The following GPSM2 variants were observed in gnomAD, a reference collection of about 807,000 sequenced individuals.
GPSM2 encodes the protein G protein-signaling modulator 2.
Under a neutral mutation model 78.4 loss-of-function variants are expected in GPSM2, and 58 were observed. The ratio of observed to expected loss-of-function variants is 0.74; its 90% CI spans 0.60 to 0.92. The LOEUF (loss-of-function observed/expected upper bound fraction) is 0.92, where lower values mean the gene tolerates loss of function less well. Ranked by LOEUF, GPSM2 falls within the 40% of genes least tolerant of loss-of-function variation. The pLI, the probability that GPSM2 is intolerant of heterozygous loss-of-function variation, is 0.00. For missense variants in GPSM2, 700 were observed against 815.5 expected, an observed-to-expected ratio of 0.86 and a Z score of 1.73; for synonymous variants, 224 against 280.2, an observed-to-expected ratio of 0.80 and a Z score of 2.00.
chr1:108,912,530 A>G (rs1035125753), intron 10 of GPSM2, among the ~76,000 whole-genome samples: 1 of 151,140 alleles, frequency 6.6e-6, no homozygotes, highest in South Asian at 2.1e-4. Flanking sequence ...GATCGCTTGC[A>G]TCCAGCAGTC....
intron 2 of GPSM2, among the ~76,000 whole-genome samples, chr1:108,887,868 T>G (rs1647686649): frequency 6.6e-6 from 1 of 152,152 alleles, no homozygotes; most frequent in Admixed American, 6.6e-5. Flanking sequence ...TGATAACCAA[T>G]AGCCAGTTTA....
chr1:108,913,064 G>A (rs12034332), intron 10 of GPSM2, among the ~76,000 whole-genome samples: 2,450 of 152,204 alleles, frequency 0.016, 45 homozygotes, highest in Middle Eastern at 0.065. Context: ...AAATGATGCA[G>A]GGTAATGGAA....
At chr1:108,913,611 A>G (rs1389828128) in intron 10 of GPSM2, among the ~76,000 whole-genome samples, 1 of 152,248 alleles carries the variant, frequency 6.6e-6, no homozygotes, top group Admixed American at 6.5e-5. Context: ...TTGCTAAGAA[A>G]TACATACATT....
At chr1:108,923,393 T>C (rs1441873395) in intron 13 of GPSM2, among the ~76,000 whole-genome samples, 15 of 152,058 alleles carry the variant, frequency 9.9e-5, no homozygotes, top group African/African-American at 3.6e-4. Flanking sequence ...ACCTTATGAT[T>C]ATATATAAAA....
chr1:108,920,423 C>G (rs552632677), intron 12 of GPSM2, among the ~76,000 whole-genome samples: 3 of 150,606 alleles, frequency 2.0e-5, no homozygotes. Context: ...GAGCCGAGAT[C>G]GCGCCACTGT....
Position 108,898,724 on chromosome 1 carries a change from C to T in GPSM2, c.640C>T (p.Leu214Phe). 1 of 1,613,964 alleles carries T rather than the reference C, an allele frequency of 6.2e-7. No homozygotes were observed. Among genetic ancestry groups the T allele is most frequent in the South Asian group, 1.1e-5 (1 of 91,072 alleles). Residue 214 changes from leucine to phenylalanine, a missense_variant, in exon 6 of 15, where the codon CTC (leucine) becomes TTC (phenylalanine). Transcript: ENST00000264126. ...TGGAAATCTTGGAAACACACATTAC[C>T]TCCTTGGCAACTTCAGGGATGCAGT... ...AFGNLGNTHY[L>F]LGNFRDAVIA...
intron 1 of GPSM2, chr1:108,877,874 G>T (rs983487300): frequency 2.0e-5 from 3 of 152,198 alleles, no homozygotes; most frequent in African/African-American, 7.2e-5. Context: ...ATAGTAACCA[G>T]TTAGAGCATT....
chr1:108,915,486 G>T (rs1490662756), intron 11 of GPSM2, among the ~76,000 whole-genome samples: 1 of 150,236 alleles, frequency 6.7e-6, no homozygotes, highest in Non-Finnish European at 1.5e-5. Context: ...GAGTGCAGTG[G>T]CGCGATCTCA....
intron 7 of GPSM2, among the ~76,000 whole-genome samples, chr1:108,899,776 G>GAATCCTA (rs1402600154): frequency 9.2e-5 from 14 of 152,178 alleles, no homozygotes; most frequent in African/African-American, 3.4e-4. Context: ...TTTTGTTAAA[G>GAATCCTA]AAGCCAATAT....
chr1:108,904,711 C>CT (rs1649093029), intron 10 of GPSM2, among the ~76,000 whole-genome samples: 1 of 151,538 alleles, frequency 6.6e-6, no homozygotes, highest in Non-Finnish European at 1.5e-5. Flanking sequence ...TTTCTTAGGA[C>CT]TTTTTTAAAT....
chr1:108,929,646 G>A, intron 14 of GPSM2, 55 bp from the exon 15 acceptor site: 1 of 1,558,910 alleles, frequency 6.4e-7, no homozygotes, highest in Non-Finnish European at 8.8e-7. Context: ...ATTTAACATA[G>A]CTTGGTGCTT....
intron 10 of GPSM2, among the ~76,000 whole-genome samples, chr1:108,904,873 T>A (rs909577836): frequency 1.3e-5 from 2 of 152,148 alleles, no homozygotes; most frequent in African/African-American, 4.8e-5. Flanking sequence ...AAAGAAAATC[T>A]ACTTTTAAAG....
At chr1:108,881,186 TTTC>T (rs1665882019) in intron 1 of GPSM2, among the ~76,000 whole-genome samples, 1 of 152,172 alleles carries the variant, frequency 6.6e-6, no homozygotes, top group South Asian at 2.1e-4. Flanking sequence ...ATGATTGCCT[TTTC>T]TTTATGGTTA....
chr1:108,881,603 A>T (rs1269126905), intron 1 of GPSM2, among the ~76,000 whole-genome samples: 6 of 152,070 alleles, frequency 3.9e-5, no homozygotes, highest in East Asian at 1.9e-4. Flanking sequence ...TTCAGTGAAT[A>T]TTTTTTTGTG....
chr1:108,911,413 T>C (rs543596851), intron 10 of GPSM2, among the ~76,000 whole-genome samples: 2 of 151,782 alleles, frequency 1.3e-5, no homozygotes, highest in South Asian at 2.1e-4. Flanking sequence ...TGTAATCCCA[T>C]CTACTCAGGA....
rs1223950095 is a variant in GPSM2 at position 108,930,695 on chromosome 1, C to CGAA, written c.*755_*756insGAA. The stretch of plus-strand genomic sequence containing the variant: ...CTTGAGGTCGGGAGTTTGAGACCAG[C>CGAA]CTGGCCAACATAGTGAAACCCTGTC... On this transcript the variant is annotated 3_prime_UTR_variant, in exon 15 of 15. Transcript: ENST00000264126. The CGAA allele has an allele frequency of 6.6e-6, 1 of 151,760 alleles. No homozygotes were observed. The highest frequency in any genetic ancestry group is 2.4e-5 in the African/African-American group (1 of 41,170). 9.4% of individuals were successfully genotyped at this position (151,760 alleles called of 1,614,324 possible).
intron 1 of GPSM2, among the ~76,000 whole-genome samples, chr1:108,879,192 G>A (rs1665772784): frequency 6.6e-6 from 1 of 152,092 alleles, no homozygotes; most frequent in Non-Finnish European, 1.5e-5. Context: ...ACTTTTCTGA[G>A]TTTCTTACAT....
At chr1:108,883,387 T>C (rs564311800) in intron 1 of GPSM2, among the ~76,000 whole-genome samples, 2 of 152,324 alleles carry the variant, frequency 1.3e-5, no homozygotes, top group South Asian at 2.1e-4. Flanking sequence ...TTATTGTATA[T>C]GGCAGCAGAA....
chr1:108,909,909 A>AAAG (rs941449503), intron 10 of GPSM2: 4 of 132,014 alleles, frequency 3.0e-5, no homozygotes, highest in Non-Finnish European at 6.6e-5. Flanking sequence ...CTCCAAAAAA[A>AAAG]AAAAAAAAAA....
Sources: allele counts gnomAD v4.1 joint callset (sites outside exome capture counted in the v4.1 genomes callset), GRCh38; gene constraint gnomAD v4.1.1; transcripts MANE v1.5; gene names NCBI Gene and HGNC (gene_info 2026-07-23, HGNC 2026-07-21).